The following CHID1 variants were observed in gnomAD, a reference collection of about 807,000 sequenced individuals.
The protein encoded by CHID1 is chitinase domain-containing protein 1.
Under a neutral mutation model 55.4 loss-of-function variants are expected in CHID1, and 44 were observed. The observed-to-expected ratio is 0.79, with a 90% CI of 0.62 to 1.02. The LOEUF (loss-of-function observed/expected upper bound fraction) is 1.02. CHID1 is among the 50% of genes least tolerant of loss of function. The pLI is 0.00. For missense variants in CHID1, 491 were observed against 515.3 expected (o/e 0.95, Z 0.46); for synonymous variants, 216 against 212.9 (o/e 1.01, Z -0.13).
intron 10 of CHID1, among the ~76,000 whole-genome samples, chr11:870,996 T>G (rs1213974757): frequency 6.7e-6 from 1 of 148,728 alleles, no homozygotes; most frequent in Non-Finnish European, 1.5e-5. Context: ...CACCTTTTTT[T>G]TTTTTTTTTT....
chr11:910,592 C>G (rs1401129499), intron 1 of CHID1, 183 bp downstream of exon 1: 2 of 1,229,206 alleles, frequency 1.6e-6, no homozygotes, highest in South Asian at 2.7e-5. Context: ...CACCCTCGTC[C>G]TCACACCCTC....
At chr11:890,706 T>A (rs1235254597) in intron 8 of CHID1, among the ~76,000 whole-genome samples, 1 of 152,192 alleles carries the variant, frequency 6.6e-6, no homozygotes, top group African/African-American at 2.4e-5. Context: ...CACTGGCCTG[T>A]GGGGTTTACG....
chr11:873,168 A>C (rs1334086137), intron 10 of CHID1, among the ~76,000 whole-genome samples: 3 of 151,936 alleles, frequency 2.0e-5, no homozygotes, highest in Non-Finnish European at 4.4e-5. Flanking sequence ...CTGGGGAGGG[A>C]AGGTGGGGCC....
At chr11:876,113 G>A (rs1849499318) in intron 10 of CHID1, among the ~76,000 whole-genome samples, 1 of 152,158 alleles carries the variant, frequency 6.6e-6, no homozygotes, top group South Asian at 2.1e-4. Context: ...GAGGAGAGGC[G>A]TCTGAGCTGA....
intron 1 of CHID1, among the ~76,000 whole-genome samples, chr11:909,154 G>C (rs1213218034): frequency 1.3e-5 from 2 of 152,186 alleles, no homozygotes; most frequent in Non-Finnish European, 2.9e-5. Context: ...GCCCTTGTCT[G>C]GGCTTTGGTA....
chr11:907,870 G>C (rs1852354690), intron 1 of CHID1, among the ~76,000 whole-genome samples: 1 of 152,202 alleles, frequency 6.6e-6, no homozygotes, highest in African/African-American at 2.4e-5. Context: ...GCCTACCACA[G>C]TGCCTACCCT....
chr11:884,398 G>A (rs926707719), intron 8 of CHID1, among the ~76,000 whole-genome samples: 16 of 152,210 alleles, frequency 1.1e-4, no homozygotes, highest in African/African-American at 3.4e-4. Context: ...TCTGAGACCA[G>A]GGTACAGCTG....
At chr11:896,525 C>G (rs112683609) in intron 7 of CHID1, among the ~76,000 whole-genome samples, 5 of 123,764 alleles carry the variant, frequency 4.0e-5, no homozygotes, top group East Asian at 2.5e-4. Context: ...CCAGCCTCCA[C>G]CCCAGACGTG....
intron 8 of CHID1, among the ~76,000 whole-genome samples, chr11:893,138 G>A (rs1195150710): frequency 6.6e-6 from 1 of 152,172 alleles, no homozygotes. Context: ...ACACCCTGGG[G>A]TGCCCCCAGC....
chr11:890,357 C>T (rs763613958), intron 8 of CHID1, among the ~76,000 whole-genome samples: 1 of 152,262 alleles, frequency 6.6e-6, no homozygotes, highest in African/African-American at 2.4e-5. Context: ...ACGGTGACGG[C>T]GCCCCCATGC....
At chr11:874,486 G>C (rs759177007) in intron 10 of CHID1, among the ~76,000 whole-genome samples, 20 of 152,158 alleles carry the variant, frequency 1.3e-4, no homozygotes, top group Non-Finnish European at 2.1e-4. Context: ...ATAGGGTCTT[G>C]TTCTGTCACG....
At chr11:907,562 G>C (rs1844942950) in intron 1 of CHID1, among the ~76,000 whole-genome samples, 1 of 152,164 alleles carries the variant, frequency 6.6e-6, no homozygotes, top group South Asian at 2.1e-4. Flanking sequence ...CACCACCATA[G>C]CCCAGCCAGA....
intron 1 of CHID1, among the ~76,000 whole-genome samples, chr11:910,089 G>A (rs1274591419): frequency 6.6e-6 from 1 of 152,044 alleles, no homozygotes; most frequent in African/African-American, 2.4e-5. Context: ...AGCTGAGTGC[G>A]CTGGCGCACA....
intron 8 of CHID1, among the ~76,000 whole-genome samples, chr11:888,593 C>A (rs1850568276): frequency 6.6e-6 from 1 of 152,268 alleles, no homozygotes; most frequent in African/African-American, 2.4e-5. Flanking sequence ...TTACTGCTCA[C>A]ACCGAAAACA....
chr11:873,005 G>A (rs1326090935), intron 10 of CHID1, among the ~76,000 whole-genome samples: 1 of 152,174 alleles, frequency 6.6e-6, no homozygotes, highest in African/African-American at 2.4e-5. Flanking sequence ...CACGCTGTGG[G>A]GGCAGCCATG....
rs771537251 is a variant in CHID1 at position 904,846 on chromosome 11, C to T, written c.-30G>A. On this transcript the variant is annotated 5_prime_UTR_variant, in exon 2 of 13. Transcript: ENST00000323578. ...GGTGTGTCACAGTAGGGTCCAACCTCGGGGTCCAGAGGGCTGCAGGGAAAG... is the reference window on the plus strand; with the variant it reads ...GGTGTGTCACAGTAGGGTCCAACCTTGGGGTCCAGAGGGCTGCAGGGAAAG... 23 of 1,613,112 alleles carry T rather than the reference C, an allele frequency of 1.4e-5. 1 individual carries two copies. The highest frequency in any genetic ancestry group is 1.6e-4 in the Middle Eastern group (1 of 6,084).
intron 5 of CHID1, among the ~76,000 whole-genome samples, chr11:900,554 C>T (rs557323859): frequency 2.0e-5 from 3 of 152,306 alleles, no homozygotes; most frequent in East Asian, 1.9e-4. Flanking sequence ...CTTCCCCAGC[C>T]GTGAGCTACA....
At chr11:905,337 G>A (rs957396234) in intron 1 of CHID1, among the ~76,000 whole-genome samples, 10 of 152,200 alleles carry the variant, frequency 6.6e-5, no homozygotes, top group African/African-American at 1.7e-4. Flanking sequence ...TCAGGAGTTC[G>A]AGACCAGCCT....
At chr11:884,045 G>T (rs760023779) in intron 9 of CHID1, 23 bp downstream of exon 9, 15 of 1,587,296 alleles carry the variant, frequency 9.5e-6, no homozygotes, top group Non-Finnish European at 1.0e-5. Flanking sequence ...CTGTGCCCAG[G>T]AGCCCCCCAA....
Sources: allele counts gnomAD v4.1 joint callset (sites outside exome capture counted in the v4.1 genomes callset), GRCh38; gene constraint gnomAD v4.1.1; transcripts MANE v1.5; gene names NCBI Gene and HGNC (gene_info 2026-07-23, HGNC 2026-07-21).